Variants in ADGRB3 observed in about 807,000 individuals in gnomAD.
ADGRB3 encodes the protein adhesion G protein-coupled receptor B3, also known as brain-specific angiogenesis inhibitor 3.
ADGRB3 carries 37 observed loss-of-function variants against 193.4 expected under a neutral mutation model. That is an observed-to-expected ratio of 0.19 (90% CI 0.15 to 0.25). The LOEUF is 0.25. Ranked by LOEUF, ADGRB3 falls within the 10% of genes least tolerant of loss-of-function variation. The probability of loss-of-function intolerance (pLI) is 1.00; values close to 1 mark genes in which losing one functional copy is unlikely to be tolerated. For synonymous variants in ADGRB3, 690 were observed against 644.2 expected (o/e 1.07, Z -1.08); for missense variants, 1,637 against 1,852.9 (o/e 0.88, Z 2.14).
chr6:69,287,983 T>C (rs962206695), intron 20 of ADGRB3, among the ~76,000 whole-genome samples: 1 of 152,192 alleles, frequency 6.6e-6, no homozygotes, highest in Non-Finnish European at 1.5e-5. Context: ...ATTCTCATTT[T>C]GTTTTGTTAT....
chr6:68,736,605 A>G (rs1765878241), intron 3 of ADGRB3, among the ~76,000 whole-genome samples: 1 of 152,114 alleles, frequency 6.6e-6, no homozygotes. Context: ...AGTCCCCAAA[A>G]CAAGACTAAG....
At chr6:68,730,866 C>T (rs7768591) in intron 3 of ADGRB3, among the ~76,000 whole-genome samples, 71,042 of 151,402 alleles carry the variant, frequency 0.47, 16,863 homozygotes, top group East Asian at 0.65. Context: ...TTATTTCAGA[C>T]GTTAATCTAC....
At chr6:68,964,551 AC>A (rs1768325251) in intron 8 of ADGRB3, among the ~76,000 whole-genome samples, 1 of 152,184 alleles carries the variant, frequency 6.6e-6, no homozygotes, top group South Asian at 2.1e-4. Context: ...AGTAAACGTA[AC>A]TTTCCAGCAA....
intron 3 of ADGRB3, among the ~76,000 whole-genome samples, chr6:68,764,807 GTT>G (rs1562020113): frequency 1.3e-5 from 2 of 152,098 alleles, no homozygotes; most frequent in African/African-American, 4.8e-5. Context: ...ATCTTGAAAT[GTT>G]TCAACATGGT....
chr6:69,099,742 A>G (rs1235646225), intron 17 of ADGRB3, among the ~76,000 whole-genome samples: 1 of 152,200 alleles, frequency 6.6e-6, no homozygotes, highest in African/African-American at 2.4e-5. Flanking sequence ...GGGCAGAATG[A>G]GGTCTTCATC....
At chr6:69,181,166 G>A in intron 17 of ADGRB3, among the ~76,000 whole-genome samples, 1 of 152,078 alleles carries the variant, frequency 6.6e-6, no homozygotes, top group East Asian at 1.9e-4. Context: ...CTGAGATGTG[G>A]GGTGTCCTTT....
chr6:68,950,815 T>C (rs1266233524), intron 6 of ADGRB3, among the ~76,000 whole-genome samples: 1 of 152,170 alleles, frequency 6.6e-6, no homozygotes, highest in East Asian at 1.9e-4. Context: ...TACAGTATAG[T>C]CCTCCAATAT....
rs370661140 is a variant in ADGRB3 at position 69,283,933 on chromosome 6, T to A, written c.2815-40939T>A. On this transcript the variant is annotated intron_variant, in intron 20 of 31. Coordinates refer to ENST00000370598, the MANE Select transcript of ADGRB3 (RefSeq NM_001704.3). Reference sequence around the variant, plus strand: ...ATTCCCCCATTAAAATACAGCAGCATGAGAAGTTACTATACTCTGTAAGCT... The same window carrying A: ...ATTCCCCCATTAAAATACAGCAGCAAGAGAAGTTACTATACTCTGTAAGCT... 1.8e-4 allele frequency among the ~76,000 whole-genome samples: 28 copies of A among 152,244 alleles called. 1 individual carries two copies. The East Asian group carries it at 3.3e-3, about 18-fold the overall frequency.
intron 5 of ADGRB3, 127 bp from the exon 6 acceptor site, chr6:68,943,703 C>A: frequency 2.9e-6 from 2 of 697,328 alleles, no homozygotes; most frequent in Admixed American, 3.4e-5. Context: ...AGAATGTTAT[C>A]TCAACTGAGT....
At chr6:68,905,533 T>C (rs1032325436) in intron 3 of ADGRB3, among the ~76,000 whole-genome samples, 2 of 152,168 alleles carry the variant, frequency 1.3e-5, no homozygotes, top group Admixed American at 1.3e-4. Context: ...TTAATCACAA[T>C]AGCAATGACA....
intron 17 of ADGRB3, among the ~76,000 whole-genome samples, chr6:69,131,128 T>TA (rs1201121828): frequency 2.6e-5 from 4 of 151,926 alleles, no homozygotes; most frequent in Non-Finnish European, 5.9e-5. Flanking sequence ...TAGCTTGAAA[T>TA]AAAAAAAGAA....
intron 3 of ADGRB3, among the ~76,000 whole-genome samples, chr6:68,783,633 G>A (rs145076145): frequency 6.6e-6 from 1 of 151,380 alleles, no homozygotes; most frequent in Non-Finnish European, 1.5e-5. Context: ...ATGGGAGGGG[G>A]AATTTTCATA....
At position 68,711,816 on chromosome 6, in the gene ADGRB3, A is replaced by G. The variant is rs79189193; in HGVS notation, c.757+72384A>G. ...TATCTGCACAGTCATCACATTACTC[A>G]AATAAACATGTTTCTTACTCCTTAG... On this transcript the variant is annotated intron_variant, in intron 3 of 31. Transcript: ENST00000370598. 2.2e-4 allele frequency among the ~76,000 whole-genome samples: 34 copies of G among 152,198 alleles called. No individual in the cohort carries two copies. The East Asian group carries it at 6.4e-3, about 29-fold the overall frequency.
At chr6:69,161,743 A>T (rs1397538429) in intron 17 of ADGRB3, among the ~76,000 whole-genome samples, 1 of 152,060 alleles carries the variant, frequency 6.6e-6, no homozygotes, top group Non-Finnish European at 1.5e-5. Flanking sequence ...TCAATCCCTC[A>T]TGACGTTATT....
intron 17 of ADGRB3, among the ~76,000 whole-genome samples, chr6:69,096,336 C>T (rs939548039): frequency 1.4e-5 from 2 of 146,858 alleles, no homozygotes; most frequent in Non-Finnish European, 3.0e-5. Flanking sequence ...GTATTGTGTC[C>T]AAGAAAGAGG....
chr6:69,361,532 A>T lies in ADGRB3; in HGVS notation c.4239+20A>T, dbSNP rs2127332783. Reference sequence around the variant, plus strand: ...TTAGAGGTGAGCCACAGAAGATTAAATTTTTCCTTGATAGTTGAAATATGA... The same window carrying T: ...TTAGAGGTGAGCCACAGAAGATTAATTTTTTCCTTGATAGTTGAAATATGA... On this transcript the variant is annotated intron_variant, in intron 29 of 31. Coordinates refer to ENST00000370598, the MANE Select transcript of ADGRB3 (RefSeq NM_001704.3). 1 of 1,595,224 alleles carries T rather than the reference A, an allele frequency of 6.3e-7. No homozygotes were observed. Among genetic ancestry groups the T allele is most frequent in the South Asian group, 1.1e-5 (1 of 88,936 alleles).
chr6:69,122,867 T>A (rs1773752351), intron 17 of ADGRB3, among the ~76,000 whole-genome samples: 1 of 152,096 alleles, frequency 6.6e-6, no homozygotes, highest in African/African-American at 2.4e-5. Context: ...TCTGTGACCT[T>A]GAGCTAGTTA....
rs181748009 is a variant in ADGRB3, at chr6:69,103,830, T to C, written c.2480+27792T>C. ...AGTCACATATATTAAGATAGAAGCA[T>C]TTCTGTTTAAAAATTATCAGGCAGT... On this transcript the variant is annotated intron_variant, in intron 17 of 31. Transcript: ENST00000370598. Among the ~76,000 whole-genome samples, 4 of 151,304 alleles carry C rather than the reference T, an allele frequency of 2.6e-5. No homozygotes were observed. In the East Asian group the frequency reaches 7.7e-4, roughly 29 times the overall value.
At chr6:68,980,787 T>C (rs1768887080) in intron 10 of ADGRB3, among the ~76,000 whole-genome samples, 1 of 151,368 alleles carries the variant, frequency 6.6e-6, no homozygotes, top group Admixed American at 6.6e-5. Context: ...GAGTTACCTG[T>C]TCTGCAAATT....
Sources: gnomAD v4.1 joint callset for allele counts (sites outside exome capture counted in the v4.1 genomes callset) on GRCh38, gnomAD v4.1.1 for gene constraint, MANE v1.5 for transcripts, NCBI Gene and HGNC (gene_info 2026-07-23, HGNC 2026-07-21) for gene names.